PKHD1: variants seen among roughly 807,000 people sequenced by gnomAD.
The protein encoded by PKHD1 is PKHD1 ciliary IPT domain containing fibrocystin/polyductin.
Under a neutral mutation model 412.0 loss-of-function variants are expected in PKHD1, and 291 were observed. That is an observed-to-expected ratio of 0.71 (90% CI 0.64 to 0.78). The LOEUF is 0.78. PKHD1 is among the 30% of genes least tolerant of loss of function. PKHD1 has a pLI of 0.00. For missense variants in PKHD1, 4,825 were observed against 4,950.7 expected (o/e 0.97, Z 0.76); for synonymous variants, 1,777 against 1,821.5 (o/e 0.98, Z 0.62).
intron 18 of PKHD1, among the ~76,000 whole-genome samples, chr6:52,056,403 T>C (rs889078685): frequency 2.4e-4 from 37 of 152,144 alleles, no homozygotes; most frequent in African/African-American, 8.2e-4. Flanking sequence ...TGCATGTTTC[T>C]CACCTATGTC....
At chr6:51,727,785 C>T (rs1323599887) in intron 60 of PKHD1, among the ~76,000 whole-genome samples, 1 of 152,164 alleles carries the variant, frequency 6.6e-6, no homozygotes, top group Non-Finnish European at 1.5e-5. Context: ...TCAATTAACA[C>T]TTCAGTGCAA....
intron 64 of PKHD1, among the ~76,000 whole-genome samples, chr6:51,633,365 T>G (rs1396044): frequency 0.015 from 2,233 of 152,098 alleles, 47 homozygotes; most frequent in African/African-American, 0.051. Flanking sequence ...AAATGAGTCA[T>G]AAAATAATCT....
Position 51,672,774 on chromosome 6 carries a change from A to G in PKHD1, c.10157-12805T>C, listed in dbSNP as rs565321101. On this transcript the variant is annotated intron_variant, in intron 60 of 66. Coordinates refer to ENST00000371117, the MANE Select transcript of PKHD1 (RefSeq NM_138694.4). Reference sequence around the variant, plus strand: ...TGAAGGGAAGGCACTCATGCATATTAGAAAAATGCACATGGCAATGAGTTT... The same window carrying G: ...TGAAGGGAAGGCACTCATGCATATTGGAAAAATGCACATGGCAATGAGTTT... Among the ~76,000 whole-genome samples the G allele has an allele frequency of 3.5e-4, 54 of 152,364 alleles. No individual in the cohort carries two copies. In the South Asian group the frequency reaches 0.011, roughly 30 times the overall value.
intron 63 of PKHD1, among the ~76,000 whole-genome samples, chr6:51,643,653 T>A (rs1471358116): frequency 6.6e-6 from 1 of 151,894 alleles, no homozygotes. Context: ...ACATTTAGAG[T>A]CTCGTTTTGT....
rs1785222058 is a variant in PKHD1 at position 51,746,597 on chromosome 6, T to C, written c.9998+124A>G. 7 of 703,328 alleles carry C rather than the reference T, an allele frequency of 1.0e-5. No homozygotes were observed. In the South Asian group the frequency reaches 1.2e-4, roughly 12 times the overall value. 43.6% of individuals were successfully genotyped at this position (703,328 alleles called of 1,614,324 possible). ...AATTGGTCATTAAGTTAATGTACCT[T>C]ACCATTCTAAGATTCATTTCTATTT... is the stretch of plus-strand genomic sequence containing the variant. On this transcript the variant is annotated intron_variant, in intron 59 of 66. Transcript: ENST00000371117.
intron 46 of PKHD1, among the ~76,000 whole-genome samples, chr6:51,874,357 A>G (rs1250013413): frequency 6.6e-6 from 1 of 152,194 alleles, no homozygotes; most frequent in East Asian, 1.9e-4. Flanking sequence ...ACGCACCCAA[A>G]CTAGGATATA....
At chr6:51,771,561 A>G (rs1268388044) in intron 55 of PKHD1, among the ~76,000 whole-genome samples, 1 of 151,880 alleles carries the variant, frequency 6.6e-6, no homozygotes, top group Admixed American at 6.6e-5. Context: ...GGAGATCGCA[A>G]TGAGCCAAGA....
intron 60 of PKHD1, among the ~76,000 whole-genome samples, chr6:51,740,418 C>T (rs1458711789): frequency 6.6e-6 from 1 of 152,014 alleles, no homozygotes; most frequent in Non-Finnish European, 1.5e-5. Context: ...AAATAAACCT[C>T]AAAGGCAATG....
intron 55 of PKHD1, among the ~76,000 whole-genome samples, chr6:51,770,175 A>T (rs918169874): frequency 2.0e-5 from 3 of 151,716 alleles, no homozygotes; most frequent in Non-Finnish European, 4.4e-5. Flanking sequence ...CGTGTCTTAG[A>T]TCGTGATTTT....
intron 15 of PKHD1, among the ~76,000 whole-genome samples, chr6:52,059,063 G>A (rs1046736725): frequency 6.6e-6 from 1 of 152,094 alleles, no homozygotes; most frequent in African/African-American, 2.4e-5. Flanking sequence ...CATTTTGGCT[G>A]CTGTTAAAGG....
At chr6:52,027,971 T>C (rs1291605944) in intron 30 of PKHD1, 75 bp from the exon 31 acceptor site, 2 of 1,285,440 alleles carry the variant, frequency 1.6e-6, no homozygotes, top group Non-Finnish European at 1.1e-6. Flanking sequence ...AAGAGCCATA[T>C]GTATTTTGAG....
intron 64 of PKHD1, among the ~76,000 whole-genome samples, chr6:51,638,013 T>C (rs532843097): frequency 1.2e-4 from 19 of 152,364 alleles, no homozygotes; most frequent in East Asian, 3.9e-4. Context: ...TGAAAGTTTA[T>C]TAAGTTCTCT....
chr6:51,845,543 G>A (rs1373109040), intron 50 of PKHD1, among the ~76,000 whole-genome samples: 1 of 152,158 alleles, frequency 6.6e-6, no homozygotes, highest in Non-Finnish European at 1.5e-5. Context: ...ATATTCAAAG[G>A]AGGAGATACT....
chr6:51,800,782 T>C (rs1213105644), intron 52 of PKHD1, among the ~76,000 whole-genome samples: 1 of 152,160 alleles, frequency 6.6e-6, no homozygotes, highest in Non-Finnish European at 1.5e-5. Context: ...ATAACTTAGG[T>C]GGTAAGACAG....
Position 51,836,390 on chromosome 6 carries a change from G to A in PKHD1, c.8173+14C>T. 1 of 1,567,800 alleles carries A rather than the reference G, an allele frequency of 6.4e-7. No individual in the cohort carries two copies. The highest frequency in any genetic ancestry group is 8.8e-7 in the Non-Finnish European group (1 of 1,137,998). On this transcript the variant is annotated intron_variant, in intron 51 of 66. Transcript: ENST00000371117. ...GCCATACTAGACACTTCTACTTCGT[G>A]TGTTAATACTCACCTGAAATAGTTG...
In PKHD1 at chr6:52,035,625, T is replaced by C; in HGVS notation, c.3194A>G (p.Asn1065Ser). The C allele has an allele frequency of 6.2e-7, 1 of 1,614,050 alleles. No individual in the cohort carries two copies. The highest frequency in any genetic ancestry group is 8.5e-7 in the Non-Finnish European group (1 of 1,179,928). ...AACTTTGCACTGAATTCTGCTTGAA[T>C]TGCTTGTAGCGACATTGATGGCACA... ...YSCAINVATS[N>S]SSRIQCKVPP... The change falls in exon 28 of 67, where the codon AAT (asparagine) becomes AGT (serine). Residue 1065 changes from asparagine (N) to serine (S), a missense_variant. By Grantham distance (46) the Asn-to-Ser change is conservative. Transcript: ENST00000371117.
At chr6:52,076,614 G>A (rs765951599) in intron 5 of PKHD1, among the ~76,000 whole-genome samples, 3 of 152,170 alleles carry the variant, frequency 2.0e-5, no homozygotes, top group African/African-American at 4.8e-5. Flanking sequence ...TGACAAGCCT[G>A]TTTCTACCTG....
intron 52 of PKHD1, among the ~76,000 whole-genome samples, chr6:51,826,551 G>A (rs1373144127): frequency 6.6e-6 from 1 of 152,190 alleles, no homozygotes; most frequent in Admixed American, 6.5e-5. Flanking sequence ...CTTTATGAAG[G>A]TTTGAGATTT....
intron 36 of PKHD1, among the ~76,000 whole-genome samples, chr6:51,945,513 G>A (rs1449495567): frequency 2.0e-5 from 3 of 152,210 alleles, no homozygotes; most frequent in Admixed American, 2.0e-4. Flanking sequence ...AATGCAGTCA[G>A]ATGTGCATGG....
Sources: allele counts gnomAD v4.1 joint callset (sites outside exome capture counted in the v4.1 genomes callset), GRCh38; gene constraint gnomAD v4.1.1; transcripts MANE v1.5; gene names NCBI Gene and HGNC (gene_info 2026-07-23, HGNC 2026-07-21).